Variants in MAN1C1 observed in about 807,000 individuals in gnomAD.
MAN1C1 encodes the protein mannosidase alpha class 1C member 1.
MAN1C1 carries 49 observed loss-of-function variants against 71.5 expected under a neutral mutation model. That is an observed-to-expected ratio of 0.69 (90% CI 0.54 to 0.87). The LOEUF is 0.87. Among genes scored for constraint, MAN1C1 ranks in the 40% least tolerant of loss-of-function variants. The pLI, the probability that MAN1C1 is intolerant of heterozygous loss-of-function variation, is 0.00. For synonymous variants in MAN1C1, 352 were observed against 343.7 expected, an observed-to-expected ratio of 1.02 and a Z score of -0.27; for missense variants, 743 against 835.0, an observed-to-expected ratio of 0.89 and a Z score of 1.36.
At chr1:25,692,146 C>T (rs2046317449) in intron 2 of MAN1C1, among the ~76,000 whole-genome samples, 3 of 152,306 alleles carry the variant, frequency 2.0e-5, no homozygotes, top group Non-Finnish European at 4.4e-5. Flanking sequence ...ACTCTGGTGT[C>T]CTGAGTCTCA....
intron 1 of MAN1C1, among the ~76,000 whole-genome samples, chr1:25,669,875 C>A (rs1244981263): frequency 6.6e-6 from 1 of 152,224 alleles, no homozygotes; most frequent in Non-Finnish European, 1.5e-5. Context: ...CCCTTTACTA[C>A]CCATGAATGT....
intron 7 of MAN1C1, among the ~76,000 whole-genome samples, chr1:25,770,673 G>A (rs560522265): frequency 6.6e-6 from 1 of 152,232 alleles, no homozygotes; most frequent in South Asian, 2.1e-4. Flanking sequence ...ACAATAAATG[G>A]TAGCTGTTGA....
chr1:25,701,534 T>C (rs945070706), intron 2 of MAN1C1, among the ~76,000 whole-genome samples: 5 of 152,236 alleles, frequency 3.3e-5, no homozygotes, highest in African/African-American at 1.2e-4. Context: ...ACATTCCCTG[T>C]TTCCTCTGCC....
chr1:25,617,864 T>TTCCTCTTCC lies in MAN1C1; in HGVS notation c.79_87dup (p.Leu27_Leu29dup), dbSNP rs768251272. 4 of 1,606,478 alleles carry TTCCTCTTCC rather than the reference T, an allele frequency of 2.5e-6. No homozygotes were observed. Among genetic ancestry groups the TTCCTCTTCC allele is most frequent in the South Asian group, 1.1e-5 (1 of 90,140 alleles). On this transcript the variant is annotated inframe_insertion, in exon 1 of 12. Transcript: ENST00000374332. The surrounding 1 kb of genome is among the most constrained non-coding windows in gnomAD (Gnocchi z 5.1). ...GTGGGGGCTGCGGCTGCCGCAGAAG[T>TTCCTCTTCC]TCCTCTTCCTCCTCTTCCTCTCGGG...
At chr1:25,766,764 C>G (rs75431417) in intron 7 of MAN1C1, among the ~76,000 whole-genome samples, 2,477 of 152,206 alleles carry the variant, frequency 0.016, 58 homozygotes, top group African/African-American at 0.054. Flanking sequence ...CGGTGCGGCA[C>G]CTGAGTAACT....
chr1:25,755,362 A>G (rs1226832956), intron 5 of MAN1C1, among the ~76,000 whole-genome samples: 3 of 152,174 alleles, frequency 2.0e-5, no homozygotes, highest in Non-Finnish European at 4.4e-5. Flanking sequence ...TCTCACACAC[A>G]TGCAGACACT....
At chr1:25,760,756 G>C (rs1260405476) in intron 6 of MAN1C1, 1 of 152,228 alleles carries the variant, frequency 6.6e-6, no homozygotes, top group Non-Finnish European at 1.5e-5. Context: ...CTATCAACAT[G>C]AGACAGTGTG....
intron 1 of MAN1C1, among the ~76,000 whole-genome samples, chr1:25,671,285 G>A (rs146495792): frequency 1.2e-3 from 177 of 152,330 alleles, no homozygotes; most frequent in African/African-American, 3.9e-3. Flanking sequence ...TTAAATGCTC[G>A]TGAAGGGCCT....
intron 6 of MAN1C1, chr1:25,760,289 C>T (rs1426671797): frequency 6.6e-6 from 1 of 152,276 alleles, no homozygotes; most frequent in Non-Finnish European, 1.5e-5. Context: ...GAGGTCAAGT[C>T]ACTTGCCCTG....
chr1:25,643,050 C>G (rs536814361), intron 1 of MAN1C1, among the ~76,000 whole-genome samples: 1 of 152,172 alleles, frequency 6.6e-6, no homozygotes, highest in East Asian at 1.9e-4. Flanking sequence ...GCAGCAGAGT[C>G]TAAGATGTTT....
At position 25,663,976 on chromosome 1, in the gene MAN1C1, C is replaced by G. The variant is rs560097115; in HGVS notation, c.541-22464C>G. On this transcript the variant is annotated intron_variant, in intron 1 of 11. Coordinates refer to ENST00000374332, the MANE Select transcript of MAN1C1 (RefSeq NM_020379.4). ...CAGGGGTTATATGAATTTAAAGAAACATGACTTAGTTCTTCCTGAGGCTGG... is the reference window on the plus strand; with the variant it reads ...CAGGGGTTATATGAATTTAAAGAAAGATGACTTAGTTCTTCCTGAGGCTGG... 8.9e-4 allele frequency among the ~76,000 whole-genome samples: 136 copies of G among 152,316 alleles called. 4 individuals carry two copies. In the South Asian group the frequency reaches 0.028, roughly 31 times the overall value.
In MAN1C1 at chr1:25,775,023, A is replaced by G. The variant is rs2047600622; in HGVS notation, c.1258-3082A>G. Among the ~76,000 whole-genome samples, 1 of 152,192 alleles carries G rather than the reference A, an allele frequency of 6.6e-6. No individual in the cohort carries two copies. The highest frequency in any genetic ancestry group is 6.5e-5 in the Admixed American group (1 of 15,286). ...GGTTTATAATTTCCTCTTGACTGCA[A>G]TTACTTAGCTTGGGGCCAACCCCCA... On this transcript the variant is annotated intron_variant, in intron 8 of 11. Transcript: ENST00000374332. The surrounding 1 kb of genome is among the most constrained non-coding windows in gnomAD (Gnocchi z 5.1).
rs542175265 is a variant in MAN1C1 at position 25,763,171 on chromosome 1, G to A, written c.1048-703G>A. On this transcript the variant is annotated intron_variant, in intron 6 of 11. Transcript: ENST00000374332. ...TAGTCTTAACTACTGAGGAGGCTGA[G>A]ACGGGAGAACCACTTGAACCCGGGA... 1.3e-4 allele frequency among the ~76,000 whole-genome samples: 20 copies of A among 152,288 alleles called. No individual in the cohort carries two copies. The South Asian group carries it at 3.5e-3, about 27-fold the overall frequency.
intron 1 of MAN1C1, among the ~76,000 whole-genome samples, chr1:25,666,464 C>T (rs1487941394): frequency 1.3e-5 from 2 of 152,208 alleles, no homozygotes; most frequent in East Asian, 1.9e-4. Flanking sequence ...ACAAACGGAA[C>T]ACCAAGTCCA....
intron 1 of MAN1C1, among the ~76,000 whole-genome samples, chr1:25,661,480 A>G (rs1304181104): frequency 1.3e-5 from 2 of 152,138 alleles, no homozygotes; most frequent in Admixed American, 1.3e-4. Flanking sequence ...CAGAGCACAA[A>G]TGTCCCCCTC....
At chr1:25,717,715 G>C (rs934840282) in intron 2 of MAN1C1, among the ~76,000 whole-genome samples, 1 of 151,754 alleles carries the variant, frequency 6.6e-6, no homozygotes, top group Non-Finnish European at 1.5e-5. Flanking sequence ...ACAGGCATGT[G>C]CCACCACCCT....
intron 8 of MAN1C1, among the ~76,000 whole-genome samples, chr1:25,774,537 A>G (rs2047594516): frequency 6.6e-6 from 1 of 152,162 alleles, no homozygotes; most frequent in African/African-American, 2.4e-5. Context: ...GAGTGCTCAG[A>G]TGGGGCTCCT....
At chr1:25,710,134 G>A (rs1385115458) in intron 2 of MAN1C1, 2 of 152,184 alleles carry the variant, frequency 1.3e-5, no homozygotes, top group Non-Finnish European at 2.9e-5. Context: ...CTAAGCACTG[G>A]AGAAAACAGA....
Position 25,735,131 on chromosome 1 carries a change from G to A in MAN1C1, c.638-11537G>A, listed in dbSNP as rs747733339. Among the ~76,000 whole-genome samples the A allele has an allele frequency of 6.6e-5, 10 of 152,192 alleles. No homozygotes were observed. The highest frequency in any genetic ancestry group is 1.5e-4 in the Non-Finnish European group (10 of 68,018). ...ATGAAAAGACGATTAAGACATAGGC[G>A]GCCAGTCGCGGTGGCTCACGCCTGT... On this transcript the variant is annotated intron_variant, in intron 2 of 11. Transcript: ENST00000374332. The surrounding 1 kb of genome is among the most constrained non-coding windows in gnomAD (Gnocchi z 4.6).
Sources: gnomAD v4.1 joint callset for allele counts (sites outside exome capture counted in the v4.1 genomes callset) on GRCh38, gnomAD v4.1.1 for gene constraint, Gnocchi (gnomAD v3.1) non-coding constraint, MANE v1.5 for transcripts, NCBI Gene and HGNC (gene_info 2026-07-23, HGNC 2026-07-21) for gene names.